The following ZRANB3 variants were observed in gnomAD, a reference collection of about 807,000 sequenced individuals.
The protein encoded by ZRANB3 is DNA annealing helicase and endonuclease ZRANB3.
In ZRANB3, 125 loss-of-function variants were observed where a neutral mutation model predicts 133.8. That is an observed-to-expected ratio of 0.93 (90% CI 0.81 to 1.08). The LOEUF is 1.08. Ranked by LOEUF, ZRANB3 falls within the 50% of genes least tolerant of loss-of-function variation. ZRANB3 has a pLI of 0.00. For synonymous variants in ZRANB3, 387 were observed against 432.7 expected (o/e 0.89, Z 1.31); for missense variants, 1,229 against 1,275.5 (o/e 0.96, Z 0.56).
intron 19 of ZRANB3, among the ~76,000 whole-genome samples, chr2:135,204,719 T>C (rs1015675213): frequency 4.8e-5 from 7 of 146,202 alleles, no homozygotes; most frequent in African/African-American, 1.7e-4. Context: ...ATATGTTTTA[T>C]TATATATTAT....
At chr2:135,293,738 T>C (rs931327121) in intron 8 of ZRANB3, among the ~76,000 whole-genome samples, 77 of 150,524 alleles carry the variant, frequency 5.1e-4, no homozygotes, top group Non-Finnish European at 9.2e-4. Flanking sequence ...GGGTTTGTCA[T>C]AGATAGCTCT....
intron 8 of ZRANB3, among the ~76,000 whole-genome samples, chr2:135,311,230 A>T (rs6430568): frequency 1.3e-5 from 2 of 152,204 alleles, no homozygotes; most frequent in Non-Finnish European, 2.9e-5. Flanking sequence ...ACCATCAGTC[A>T]TCGGGAAAAG....
intron 17 of ZRANB3, among the ~76,000 whole-genome samples, chr2:135,210,662 G>C (rs575668865): frequency 1.5e-4 from 23 of 152,110 alleles, no homozygotes; most frequent in Non-Finnish European, 3.1e-4. Flanking sequence ...GGCCTGGCAT[G>C]GTGGCTCATA....
At chr2:135,229,480 G>A (rs1458478935) in intron 13 of ZRANB3, among the ~76,000 whole-genome samples, 2 of 150,256 alleles carry the variant, frequency 1.3e-5, no homozygotes, top group African/African-American at 2.5e-5. Context: ...CCATTCTCCT[G>A]CCTCAGCCTC....
intron 6 of ZRANB3, among the ~76,000 whole-genome samples, chr2:135,341,051 G>A (rs1016164443): frequency 2.0e-5 from 3 of 149,684 alleles, no homozygotes; most frequent in Non-Finnish European, 4.4e-5. Flanking sequence ...TTTTGAGATG[G>A]AGTCTTGCTC....
At chr2:135,459,611 T>C (rs2105014697) in intron 2 of ZRANB3, among the ~76,000 whole-genome samples, 1 of 152,268 alleles carries the variant, frequency 6.6e-6, no homozygotes, top group Admixed American at 6.5e-5. Flanking sequence ...TTTTAAAATC[T>C]GAAAAACATA....
chr2:135,392,370 GA>G (rs1687278474), intron 2 of ZRANB3, among the ~76,000 whole-genome samples: 1 of 144,328 alleles, frequency 6.9e-6, no homozygotes, highest in Admixed American at 6.9e-5. Flanking sequence ...GGGGGGGCAG[GA>G]AAAAAACTTT....
chr2:135,234,033 T>A (rs1695169515), intron 12 of ZRANB3, among the ~76,000 whole-genome samples: 1 of 152,198 alleles, frequency 6.6e-6, no homozygotes, highest in African/African-American at 2.4e-5. Context: ...ATCAGTGTGC[T>A]GTATTCAGGA....
rs530421522 is a variant in ZRANB3, at chr2:135,304,916, TTCTC to T, written c.966+8569_966+8572del. Among the ~76,000 whole-genome samples, 36 of 150,500 alleles carry T rather than the reference TTCTC, an allele frequency of 2.4e-4. No individual in the cohort carries two copies. The South Asian group carries it at 7.5e-3, about 31-fold the overall frequency. On this transcript the variant is annotated intron_variant, in intron 8 of 20. Transcript: ENST00000264159. Reference sequence around the variant, plus strand: ...CTGCTGACATGGGTAAATTACTTTCTTCTCTATTTTTGTTTTAAGTTTTACAAGT... The same window carrying T: ...CTGCTGACATGGGTAAATTACTTTCTTATTTTTGTTTTAAGTTTTACAAGT...
intron 1 of ZRANB3, among the ~76,000 whole-genome samples, chr2:135,517,342 G>A (rs1172678670): frequency 6.6e-6 from 1 of 152,026 alleles, no homozygotes; most frequent in Admixed American, 6.6e-5. Context: ...CTTTGGAGGA[G>A]AAGAGGCATT....
In ZRANB3 at chr2:135,392,860, G is replaced by C. The variant is rs144699621; in HGVS notation, c.162-2040C>G. ...AATTTCATTGTTCAAAAAGATGTCA[G>C]CTTACCCAATAAATATGTTTTTTGG... On this transcript the variant is annotated intron_variant, in intron 2 of 20. Coordinates refer to ENST00000264159, the MANE Select transcript of ZRANB3 (RefSeq NM_032143.4). 1.6e-4 allele frequency among the ~76,000 whole-genome samples: 24 copies of C among 151,628 alleles called. 3 individuals are homozygous for C. The highest frequency in any genetic ancestry group is 5.6e-4 in the African/African-American group (23 of 41,346).
chr2:135,370,632 A>G (rs1247234795), intron 3 of ZRANB3, among the ~76,000 whole-genome samples: 2 of 152,210 alleles, frequency 1.3e-5, no homozygotes, highest in Non-Finnish European at 2.9e-5. Context: ...AAAATGTTTC[A>G]GTACAAAGAG....
chr2:135,386,756 A>C (rs936034577), intron 3 of ZRANB3, among the ~76,000 whole-genome samples: 3 of 152,000 alleles, frequency 2.0e-5, no homozygotes, highest in African/African-American at 7.3e-5. Flanking sequence ...AAAACTAAAC[A>C]CCGCATGTTC....
intron 12 of ZRANB3, among the ~76,000 whole-genome samples, chr2:135,263,560 T>C (rs904154174): frequency 5.3e-5 from 8 of 152,252 alleles, no homozygotes; most frequent in African/African-American, 1.7e-4. Flanking sequence ...CTTAAAGAAA[T>C]GGCCAATTCC....
chr2:135,498,808 A>G (rs1325105767), intron 2 of ZRANB3, among the ~76,000 whole-genome samples: 1 of 152,184 alleles, frequency 6.6e-6, no homozygotes, highest in Non-Finnish European at 1.5e-5. Flanking sequence ...AATAAGCCCC[A>G]GTCTCCCATA....
intron 2 of ZRANB3, among the ~76,000 whole-genome samples, chr2:135,494,017 A>C (rs1309794412): frequency 1.3e-5 from 2 of 152,114 alleles, no homozygotes; most frequent in Admixed American, 1.3e-4. Context: ...CAAAACAGAG[A>C]AAACTAAGAT....
chr2:135,488,906 T>C (rs368487012), intron 2 of ZRANB3, among the ~76,000 whole-genome samples: 1 of 150,270 alleles, frequency 6.7e-6, no homozygotes, highest in Admixed American at 6.6e-5. Flanking sequence ...TTATACTATA[T>C]AGCATAATAA....
intron 3 of ZRANB3, among the ~76,000 whole-genome samples, chr2:135,381,040 A>C (rs1391049656): frequency 6.6e-6 from 1 of 152,126 alleles, no homozygotes; most frequent in Non-Finnish European, 1.5e-5. Flanking sequence ...GCGTGAGCCT[A>C]AGCAGGGTAA....
intron 3 of ZRANB3, among the ~76,000 whole-genome samples, chr2:135,370,037 T>C (rs930530492): frequency 1.0e-4 from 9 of 88,656 alleles, no homozygotes; most frequent in African/African-American, 7.1e-4. Context: ...ATGTTTCTTT[T>C]TTTTTTTTTT....
Sources: allele counts gnomAD v4.1 joint callset (sites outside exome capture counted in the v4.1 genomes callset), GRCh38; gene constraint gnomAD v4.1.1; transcripts MANE v1.5; gene names NCBI Gene and HGNC (gene_info 2026-07-23, HGNC 2026-07-21).